The following PRKG1 variants were observed in gnomAD, a reference collection of about 807,000 sequenced individuals.
The protein encoded by PRKG1 is cGMP-dependent protein kinase 1.
PRKG1 carries 35 observed loss-of-function variants against 88.1 expected under a neutral mutation model. The observed-to-expected ratio is 0.40, with a 90% confidence interval of 0.30 to 0.53. The LOEUF (loss-of-function observed/expected upper bound fraction) is 0.53, where lower values mean the gene tolerates loss of function less well. Among genes scored for constraint, PRKG1 ranks in the 20% least tolerant of loss-of-function variants. The probability of loss-of-function intolerance (pLI) is 0.59; values close to 1 mark genes in which losing one functional copy is unlikely to be tolerated. For missense variants in PRKG1, 540 were observed against 839.8 expected (o/e 0.64, Z 4.41); for synonymous variants, 303 against 292.5 (o/e 1.04, Z -0.37).
intron 2 of PRKG1, among the ~76,000 whole-genome samples, chr10:51,265,428 A>T (rs1226402090): frequency 2.0e-5 from 3 of 152,220 alleles, no homozygotes; most frequent in Non-Finnish European, 2.9e-5. Context: ...TGCTAAAAAA[A>T]TTCTTTGTTG....
intron 1 of PRKG1, among the ~76,000 whole-genome samples, chr10:51,026,915 G>A (rs138609556): frequency 4.6e-5 from 7 of 152,264 alleles, no homozygotes; most frequent in African/African-American, 1.4e-4. Context: ...GAGGAAATGA[G>A]AGCTCAGATA....
chr10:51,816,536 CATGTGT>C (rs1316580643), intron 4 of PRKG1, among the ~76,000 whole-genome samples: 11 of 98,378 alleles, frequency 1.1e-4, no homozygotes, highest in Non-Finnish European at 2.4e-4. Context: ...ATAATTTTGG[CATGTGT>C]GTGTGTGTGT....
At chr10:51,864,416 G>C (rs74132467) in intron 4 of PRKG1, among the ~76,000 whole-genome samples, 1 of 152,254 alleles carries the variant, frequency 6.6e-6, no homozygotes, top group Admixed American at 6.5e-5. Flanking sequence ...ATTTTAAAAA[G>C]TTTGGAATGT....
At chr10:51,749,265 T>C (rs1837657568) in intron 3 of PRKG1, among the ~76,000 whole-genome samples, 1 of 152,188 alleles carries the variant, frequency 6.6e-6, no homozygotes, top group Non-Finnish European at 1.5e-5. Context: ...GCTCAGACTG[T>C]TATAACAAAA....
chr10:51,917,338 A>T (rs1000796668), intron 5 of PRKG1, among the ~76,000 whole-genome samples: 1 of 149,262 alleles, frequency 6.7e-6, no homozygotes. Context: ...AAAAAAAAAG[A>T]GTGTGGATTT....
chr10:51,775,607 C>T (rs1838414221), intron 3 of PRKG1, among the ~76,000 whole-genome samples: 14 of 151,776 alleles, frequency 9.2e-5, no homozygotes, highest in Admixed American at 9.2e-4. Context: ...TTTTTTGAGA[C>T]AAAGCCTTGC....
chr10:51,463,117 A>C, intron 2 of PRKG1, among the ~76,000 whole-genome samples: 1 of 152,184 alleles, frequency 6.6e-6, no homozygotes, highest in East Asian at 1.9e-4. Context: ...GGAGTCTTTG[A>C]TTTGAAATCT....
At chr10:51,846,992 A>G (rs1840415306) in intron 4 of PRKG1, among the ~76,000 whole-genome samples, 1 of 152,210 alleles carries the variant, frequency 6.6e-6, no homozygotes, top group Admixed American at 6.5e-5. Flanking sequence ...TTAAAAAAAT[A>G]AAGTAGATCA....
At chr10:51,549,074 A>T (rs1235493421) in intron 3 of PRKG1, among the ~76,000 whole-genome samples, 2 of 144,876 alleles carry the variant, frequency 1.4e-5, no homozygotes, top group African/African-American at 5.0e-5. Context: ...AGACCTTGGG[A>T]TACCAAGTTT....
At chr10:51,489,519 G>T (rs541299985) in intron 3 of PRKG1, among the ~76,000 whole-genome samples, 1 of 152,096 alleles carries the variant, frequency 6.6e-6, no homozygotes, top group Non-Finnish European at 1.5e-5. Flanking sequence ...ATTCAAAAAG[G>T]GAGATTTAAC....
chr10:51,627,834 CTCCTT>C lies in PRKG1; in HGVS notation c.592+160016_592+160020del, dbSNP rs370135817. 4.7e-3 allele frequency among the ~76,000 whole-genome samples: 660 copies of C among 141,492 alleles called. 6 individuals carry two copies. The highest frequency in any genetic ancestry group is 7.3e-3 in the African/African-American group (290 of 39,518). 92.8% of individuals were successfully genotyped at this position (141,492 alleles called of 152,430 possible). A position where few individuals can be genotyped will look rare whatever the true frequency, so the allele number is the denominator to read the frequency against. On this transcript the variant is annotated intron_variant, in intron 3 of 17. Coordinates refer to ENST00000373980, the MANE Select transcript of PRKG1 (RefSeq NM_006258.4). ...GGTAGCTGAAAGTCACAATCTTCCT[CTCCTT>C]TCCTTTCCTTTCCTTTCTCCTTCCT...
intron 3 of PRKG1, among the ~76,000 whole-genome samples, chr10:51,549,830 T>C (rs1202061587): frequency 6.6e-6 from 1 of 152,136 alleles, no homozygotes; most frequent in Non-Finnish European, 1.5e-5. Context: ...GTTTTTAGCC[T>C]TCCGATAAGG....
At chr10:51,575,383 G>C (rs1421783515) in intron 3 of PRKG1, among the ~76,000 whole-genome samples, 1 of 151,896 alleles carries the variant, frequency 6.6e-6, no homozygotes, top group East Asian at 1.9e-4. Flanking sequence ...TGCCAATGTT[G>C]TGTTTTCATT....
At chr10:51,235,018 G>T (rs946803068) in intron 2 of PRKG1, among the ~76,000 whole-genome samples, 4 of 152,036 alleles carry the variant, frequency 2.6e-5, no homozygotes, top group African/African-American at 9.7e-5. Flanking sequence ...ACCAGAATAT[G>T]TCCTGGTCAT....
At chr10:52,197,675 A>G (rs1266570082) in intron 9 of PRKG1, among the ~76,000 whole-genome samples, 1 of 152,222 alleles carries the variant, frequency 6.6e-6, no homozygotes, top group Non-Finnish European at 1.5e-5. Flanking sequence ...CTTCACTTAC[A>G]CAACTTCAGA....
chr10:51,166,995 A>G lies in PRKG1; in HGVS notation c.478+13665A>G, dbSNP rs530898219. Among the ~76,000 whole-genome samples the G allele has an allele frequency of 6.6e-5, 10 of 152,308 alleles. No homozygotes were observed. The South Asian group carries it at 2.1e-3, about 32-fold the overall frequency. ...ATTTATTAGTTCTTACATTCAAGAA[A>G]CACCTACTCAGTGATGATTATGTCT... On this transcript the variant is annotated intron_variant, in intron 2 of 17. Coordinates refer to ENST00000373980, the MANE Select transcript of PRKG1 (RefSeq NM_006258.4).
At chr10:51,699,668 T>A (rs945144671) in intron 3 of PRKG1, 8 of 1,151,008 alleles carry the variant, frequency 7.0e-6, no homozygotes, top group Non-Finnish European at 8.6e-6. Context: ...CTTTACTAAT[T>A]CGCTTGAATC....
chr10:52,077,933 G>A (rs942991385), intron 7 of PRKG1, among the ~76,000 whole-genome samples: 3 of 152,094 alleles, frequency 2.0e-5, no homozygotes, highest in East Asian at 3.9e-4. Flanking sequence ...AGGCAAAAGG[G>A]TCTTGTCTTT....
intron 1 of PRKG1, among the ~76,000 whole-genome samples, chr10:51,003,634 A>G (rs1189250556): frequency 2.0e-5 from 3 of 152,330 alleles, no homozygotes; most frequent in Middle Eastern, 3.4e-3. Context: ...TGCAAAAACA[A>G]TGTGTGCTGG....
Sources: allele counts gnomAD v4.1 joint callset (sites outside exome capture counted in the v4.1 genomes callset), GRCh38; gene constraint gnomAD v4.1.1; transcripts MANE v1.5; gene names NCBI Gene and HGNC (gene_info 2026-07-23, HGNC 2026-07-21).